The following ZNF782 variants were observed in gnomAD, a reference collection of about 807,000 sequenced individuals.
The protein encoded by ZNF782 is zinc finger protein 782.
In ZNF782, 12 loss-of-function variants were observed where a neutral mutation model predicts 13.0. That is an observed-to-expected ratio of 0.92 (90% confidence interval 0.59 to 1.50). ZNF782 has a LOEUF of 1.50. ZNF782 is among the 40% of genes most tolerant of loss of function. The pLI is 0.00. For synonymous variants in ZNF782, 284 were observed against 283.0 expected (o/e 1.00, Z -0.04); for missense variants, 770 against 822.9 (o/e 0.94, Z 0.79).
chr9:96,899,096 C>T, the ZNF782 span, among the ~76,000 whole-genome samples: 3 of 149,146 alleles, frequency 2.0e-5, no homozygotes, highest in Non-Finnish European at 2.9e-5. Context: ...TCCTATAAGT[C>T]GAATCATATA....
the ZNF782 span, among the ~76,000 whole-genome samples, chr9:96,925,284 C>T: frequency 6.6e-6 from 1 of 151,564 alleles, no homozygotes; most frequent in African/African-American, 2.4e-5. Context: ...CTCACCAGGG[C>T]GCTTCCTGGG....
At chr9:96,870,520 T>C (rs1395054111) in intron 1 of ZNF782, among the ~76,000 whole-genome samples, 1 of 152,166 alleles carries the variant, frequency 6.6e-6, no homozygotes, top group Non-Finnish European at 1.5e-5. Flanking sequence ...TTGCACTTCA[T>C]AGAAAAGAAT....
chr9:96,833,168 A>G (rs562622291), intron 4 of ZNF782, among the ~76,000 whole-genome samples: 39 of 152,328 alleles, frequency 2.6e-4, no homozygotes, highest in South Asian at 4.1e-4. Flanking sequence ...ATTCTTGTAT[A>G]CCTAGCAACC....
intron 5 of ZNF782, among the ~76,000 whole-genome samples, chr9:96,821,332 C>T (rs763965665): frequency 6.6e-5 from 10 of 152,234 alleles, no homozygotes; most frequent in Non-Finnish European, 1.3e-4. Context: ...ATCTTATATT[C>T]TTTCTCTGAA....
chr9:96,894,173 T>A, the ZNF782 span: 2 of 151,906 alleles, frequency 1.3e-5, no homozygotes, highest in Middle Eastern at 3.4e-3. Flanking sequence ...GCGGGGAACA[T>A]CACACACTGG....
Position 96,818,055 on chromosome 9 carries a change from A to G in ZNF782, c.1968T>C (p.Ser656=), listed in dbSNP as rs1182141236. ...YNCNQCGEAF[S]QKSNLRVHQR... ...GATGTACTCTGAGATTGGATTTCTGACTGAAAGCTTCCCCACACTGATTAC... is the reference window on the plus strand; with the variant it reads ...GATGTACTCTGAGATTGGATTTCTGGCTGAAAGCTTCCCCACACTGATTAC... The change falls in exon 6 of 6, where the codon AGT becomes AGC. Residue 656 remains serine, a synonymous_variant. Coordinates refer to ENST00000481138, the MANE Select transcript of ZNF782 (RefSeq NM_001001662.3). 1 of 1,610,456 alleles carries G rather than the reference A, an allele frequency of 6.2e-7. No individual in the cohort carries two copies. Among genetic ancestry groups the G allele is most frequent in the Non-Finnish European group, 8.5e-7 (1 of 1,178,762 alleles).
At position 96,818,639 on chromosome 9, in the gene ZNF782, T is replaced by C. The variant is rs1253923745; in HGVS notation, c.1384A>G (p.Lys462Glu). ...CTCTGATGCACTATGAGGATTGACTTATAGTTAAAAGATTTCCCACATTCA... is the reference window on the plus strand; with the variant it reads ...CTCTGATGCACTATGAGGATTGACTCATAGTTAAAAGATTTCCCACATTCA... Reference protein sequence around the residue: ...CHECGKSFNYKSILIVHQRTH... With the variant: ...CHECGKSFNYESILIVHQRTH... The change falls in exon 6 of 6, where the codon AAG (lysine) becomes GAG (glutamate). Residue 462 changes from lysine (K) to glutamate (E), a missense_variant. By Grantham distance (56) the Lys-to-Glu change is moderately conservative. Transcript: ENST00000481138. The C allele has an allele frequency of 1.9e-6, 3 of 1,614,060 alleles. No homozygotes were observed. The highest frequency in any genetic ancestry group is 1.3e-5 in the African/African-American group (1 of 74,930).
At chr9:96,906,274 C>T in the ZNF782 span, among the ~76,000 whole-genome samples, 3 of 150,624 alleles carry the variant, frequency 2.0e-5, no homozygotes, top group East Asian at 1.9e-4. Context: ...GGGGTTCTCC[C>T]CACACACCAA....
chr9:96,830,377 C>T (rs1850758263), intron 4 of ZNF782, among the ~76,000 whole-genome samples: 1 of 152,022 alleles, frequency 6.6e-6, no homozygotes, highest in African/African-American at 2.4e-5. Flanking sequence ...GGTCCCCTGC[C>T]CCCCAGTGTC....
chr9:96,925,658 G>A, the ZNF782 span, among the ~76,000 whole-genome samples: 1 of 147,860 alleles, frequency 6.8e-6, no homozygotes, highest in South Asian at 2.1e-4. Context: ...AACTGGTACA[G>A]AAGCAACTCA....
At chr9:96,892,418 G>C in the ZNF782 span, 1 of 152,310 alleles carries the variant, frequency 6.6e-6, no homozygotes, top group Non-Finnish European at 1.5e-5. Flanking sequence ...TGGTAAATTG[G>C]AGCCAACAGT....
intron 1 of ZNF782, among the ~76,000 whole-genome samples, chr9:96,862,064 G>A (rs752192330): frequency 5.3e-5 from 8 of 152,158 alleles, no homozygotes; most frequent in Non-Finnish European, 1.0e-4. Flanking sequence ...ACACAATGGA[G>A]TACTTACTAT....
At chr9:96,829,408 TAATC>T (rs1473056024) in intron 4 of ZNF782, among the ~76,000 whole-genome samples, 1 of 152,138 alleles carries the variant, frequency 6.6e-6, no homozygotes, top group Non-Finnish European at 1.5e-5. Flanking sequence ...AGGGAATAAT[TAATC>T]AAGAGGATAT....
the ZNF782 span, among the ~76,000 whole-genome samples, chr9:96,932,790 T>C: frequency 6.6e-6 from 1 of 151,738 alleles, no homozygotes; most frequent in African/African-American, 2.4e-5. Flanking sequence ...GTAGTTGGGA[T>C]TACAGGCATG....
intron 1 of ZNF782, among the ~76,000 whole-genome samples, chr9:96,861,901 A>G (rs1564014933): frequency 6.6e-6 from 1 of 152,200 alleles, no homozygotes; most frequent in East Asian, 1.9e-4. Context: ...CAGCAATCCC[A>G]CTGCTGGGTA....
intron 3 of ZNF782, among the ~76,000 whole-genome samples, chr9:96,848,874 T>C (rs979464556): frequency 6.6e-6 from 1 of 152,168 alleles, no homozygotes; most frequent in East Asian, 1.9e-4. Flanking sequence ...AAAGCAATCC[T>C]GAGCAAAAAG....
chr9:96,827,006 T>G (rs1314203090), intron 5 of ZNF782, 74 bp downstream of exon 5: 41 of 937,704 alleles, frequency 4.4e-5, no homozygotes, highest in Non-Finnish European at 6.3e-5. Context: ...ACCATTATTA[T>G]GACTATACGC....
At chr9:96,903,442 T>A in the ZNF782 span, among the ~76,000 whole-genome samples, 6 of 151,462 alleles carry the variant, frequency 4.0e-5, no homozygotes, top group Non-Finnish European at 8.8e-5. Flanking sequence ...CATTTACCAG[T>A]GGGAGAAGTT....
chr9:96,886,560 A>C, the ZNF782 span, among the ~76,000 whole-genome samples: 12 of 152,318 alleles, frequency 7.9e-5, no homozygotes, highest in African/African-American at 2.9e-4. Flanking sequence ...GTAGACTGTG[A>C]TGAGTTACAT....
Sources: allele counts gnomAD v4.1 joint callset (sites outside exome capture counted in the v4.1 genomes callset), GRCh38; gene constraint gnomAD v4.1.1; transcripts MANE v1.5; gene names NCBI Gene and HGNC (gene_info 2026-07-23, HGNC 2026-07-21).